The following AFTPH variants were observed in gnomAD, a reference collection of about 807,000 sequenced individuals.
The protein encoded by AFTPH is aftiphilin, also known as aftiphilin protein.
Under a neutral mutation model 72.5 loss-of-function variants are expected in AFTPH, and 7 were observed. That is an observed-to-expected ratio of 0.10 (90% CI 0.05 to 0.18). The LOEUF is 0.18. AFTPH is among the 10% of genes least tolerant of loss of function. The pLI is 1.00. For missense variants in AFTPH, 979 were observed against 1,060.5 expected (o/e 0.92, Z 1.07); for synonymous variants, 337 against 370.1 (o/e 0.91, Z 1.03).
exon 9 of AFTPH, chr2:64,592,053 G>T: frequency 6.4e-7 from 1 of 1,566,408 alleles, no homozygotes; most frequent in Non-Finnish European, 8.7e-7. Flanking sequence ...GAATTGGACA[G>T]TTTCTATTGC....
Position 64,538,357 on chromosome 2 carries a change from C to T in AFTPH, c.-32-13086C>T, listed in dbSNP as rs1231108870. Among the ~76,000 whole-genome samples, 3 of 152,098 alleles carry T rather than the reference C, an allele frequency of 2.0e-5. No individual in the cohort carries two copies. The East Asian group carries it at 5.8e-4, about 29-fold the overall frequency. On this transcript the variant is annotated intron_variant, in intron 1 of 8. Coordinates refer to ENST00000238856, the Ensembl canonical transcript of AFTPH. ...CAAAACCATCATTAAAAAAGGTCAACCAGCTAGGAATTTGTTCTCCATGGA... is the reference window on the plus strand; with the variant it reads ...CAAAACCATCATTAAAAAAGGTCAATCAGCTAGGAATTTGTTCTCCATGGA...
chr2:64,524,594 G>A (rs910766174), exon 1 of AFTPH: 2 of 398,752 alleles, frequency 5.0e-6, no homozygotes, highest in African/African-American at 4.1e-5. Flanking sequence ...GCCCATCGCA[G>A]CCGCCCCGAA....
At chr2:64,569,572 A>G in intron 4 of AFTPH, 51 bp from the exon 5 acceptor site, 1 of 1,561,690 alleles carries the variant, frequency 6.4e-7, no homozygotes, top group Admixed American at 1.7e-5. Flanking sequence ...ATTTCATTGT[A>G]TGATAGATTA....
intron 7 of AFTPH, chr2:64,580,572 T>TAACA (rs1457066747): frequency 6.6e-6 from 1 of 152,630 alleles, no homozygotes; most frequent in Non-Finnish European, 1.5e-5. Flanking sequence ...TGCTTTTTAT[T>TAACA]AACAAACAAC....
chr2:64,524,933 G>A (rs895463976), intron 1 of AFTPH, among the ~76,000 whole-genome samples: 3 of 152,222 alleles, frequency 2.0e-5, no homozygotes, highest in African/African-American at 7.2e-5. Context: ...ACCTCCCAAA[G>A]CTCCGCGCTG....
rs531237015 is a variant in AFTPH at position 64,579,840 on chromosome 2, T to C, written c.2455+294T>C. The C allele has an allele frequency of 2.2e-5, 6 of 268,200 alleles. No individual in the cohort carries two copies. In the South Asian group the frequency reaches 8.6e-4, roughly 39 times the overall value. 16.6% of individuals were successfully genotyped at this position (268,200 alleles called of 1,614,324 possible). ...TAGGTAGTTTAAAAGGTATTTTAGC[T>C]AGGACCAATTTACCTTGAATTTTTT... is the stretch of plus-strand genomic sequence containing the variant. On this transcript the variant is annotated intron_variant, in intron 7 of 8. Transcript: ENST00000238856.
At chr2:64,529,822 G>A (rs549012474) in intron 1 of AFTPH, among the ~76,000 whole-genome samples, 15 of 151,816 alleles carry the variant, frequency 9.9e-5, no homozygotes, top group Non-Finnish European at 2.1e-4. Flanking sequence ...GTAGAGACAG[G>A]GCCTTGTTAT....
chr2:64,564,486 C>T (rs757557667), intron 2 of AFTPH, among the ~76,000 whole-genome samples: 4 of 151,994 alleles, frequency 2.6e-5, no homozygotes, highest in Non-Finnish European at 5.9e-5. Flanking sequence ...TGGTGGTAGA[C>T]GCCTATAATC....
intron 1 of AFTPH, among the ~76,000 whole-genome samples, chr2:64,545,833 G>C (rs1012783596): frequency 6.6e-6 from 1 of 151,988 alleles, no homozygotes; most frequent in Non-Finnish European, 1.5e-5. Flanking sequence ...AATCTGAATA[G>C]AGGATAAAAT....
chr2:64,587,858 T>C (rs1388475947), intron 8 of AFTPH, among the ~76,000 whole-genome samples: 1 of 152,242 alleles, frequency 6.6e-6, no homozygotes, highest in East Asian at 1.9e-4. Context: ...AATTACTTCC[T>C]ATTCTAAATC....
At chr2:64,549,318 T>C (rs1670880228) in intron 1 of AFTPH, among the ~76,000 whole-genome samples, 1 of 109,184 alleles carries the variant, frequency 9.2e-6, no homozygotes, top group Admixed American at 8.8e-5. Context: ...CTTTTTTTTT[T>C]TTTTTTTTTT....
chr2:64,527,841 C>G (rs148204060), intron 1 of AFTPH, among the ~76,000 whole-genome samples: 9 of 152,260 alleles, frequency 5.9e-5, no homozygotes, highest in Admixed American at 2.0e-4. Context: ...TTTAACAGCC[C>G]TTTGTCACAC....
At chr2:64,585,324 C>CA in intron 7 of AFTPH, 98 bp from the exon 9 acceptor site, 1 of 1,410,636 alleles carries the variant, frequency 7.1e-7, no homozygotes, top group Non-Finnish European at 9.9e-7. Flanking sequence ...GTAAAACACT[C>CA]AGATGTTTAC....
intron 6 of AFTPH, among the ~76,000 whole-genome samples, chr2:64,575,022 C>A (rs756597291): frequency 5.3e-5 from 8 of 152,122 alleles, no homozygotes; most frequent in Non-Finnish European, 8.8e-5. Context: ...CTTATTGAGA[C>A]CATTTGTTGC....
At position 64,552,345 on chromosome 2, in the gene AFTPH, A is replaced by G. The variant is rs774956181; in HGVS notation, c.871A>G (p.Thr291Ala). 4 of 1,614,144 alleles carry G rather than the reference A, an allele frequency of 2.5e-6. No individual in the cohort carries two copies. Among genetic ancestry groups the G allele is most frequent in the Non-Finnish European group, 3.4e-6 (4 of 1,180,000 alleles). ...TAGAAGCTTGGATAACAAAGGAGACACTGATGGAGAGGATCAGGTTTGTGT... is the reference window on the plus strand; with the variant it reads ...TAGAAGCTTGGATAACAAAGGAGACGCTGATGGAGAGGATCAGGTTTGTGT... The change falls in exon 2 of 9, where the codon ACT becomes GCT. Residue 291 changes from threonine (T) to alanine (A), a missense_variant. By Grantham distance (58) the Thr-to-Ala change is moderately conservative (BLOSUM62 0). Around this residue, in one of 3 missense-constraint regions of AFTPH, gnomAD observed 498 missense variants for 467.6 expected, o/e 1.06. Coordinates refer to ENST00000238856, the Ensembl canonical transcript of AFTPH.
At chr2:64,529,771 G>A (rs1019116875) in intron 1 of AFTPH, among the ~76,000 whole-genome samples, 30 of 151,882 alleles carry the variant, frequency 2.0e-4, no homozygotes, top group African/African-American at 5.8e-4. Context: ...CTGGGACCAC[G>A]GGCGCACACC....
chr2:64,581,581 A>C (rs1465137814), intron 7 of AFTPH, among the ~76,000 whole-genome samples: 1 of 152,154 alleles, frequency 6.6e-6, no homozygotes, highest in Non-Finnish European at 1.5e-5. Flanking sequence ...GTGATATTTT[A>C]TATGCTTATT....
intron 6 of AFTPH, among the ~76,000 whole-genome samples, chr2:64,577,450 A>G (rs957753393): frequency 6.6e-6 from 1 of 152,226 alleles, no homozygotes; most frequent in Non-Finnish European, 1.5e-5. Context: ...AGATTTCAGC[A>G]AATCATTAAA....
chr2:64,556,739 A>C (rs1242122137), intron 2 of AFTPH, among the ~76,000 whole-genome samples: 2 of 152,206 alleles, frequency 1.3e-5, no homozygotes, highest in African/African-American at 4.8e-5. Flanking sequence ...AATTCTTGCA[A>C]AATTAAAAAA....
Sources: allele counts gnomAD v4.1 joint callset (sites outside exome capture counted in the v4.1 genomes callset), GRCh38; gene constraint gnomAD v4.1.1; regional missense constraint gnomAD v4.1.1; transcripts MANE v1.5; gene names NCBI Gene and HGNC (gene_info 2026-07-23, HGNC 2026-07-21).